ATP5PD: variants seen among roughly 807,000 people sequenced by gnomAD.
ATP5PD encodes ATP synthase peripheral stalk subunit d, also known as ATP synthase peripheral stalk subunit d, mitochondrial.
ATP5PD carries 13 observed loss-of-function variants against 22.6 expected under a neutral mutation model. That is an observed-to-expected ratio of 0.58 (90% CI 0.37 to 0.91). ATP5PD has a LOEUF of 0.91. Among genes scored for constraint, ATP5PD ranks in the 40% least tolerant of loss-of-function variants. ATP5PD has a pLI of 0.00. For synonymous variants in ATP5PD, 51 were observed against 65.0 expected (o/e 0.79, Z 1.03); for missense variants, 165 against 188.0 (o/e 0.88, Z 0.72).
chr17:75,041,007 TTG>T (rs1330134548), intron 3 of ATP5PD: 1 of 152,070 alleles, frequency 6.6e-6, no homozygotes, highest in African/African-American at 2.4e-5. Flanking sequence ...ATATTGAGAC[TTG>T]TGTAAATATC....
intron 1 of ATP5PD, among the ~76,000 whole-genome samples, chr17:75,046,286 G>C (rs960094691): frequency 6.6e-6 from 1 of 152,134 alleles, no homozygotes; most frequent in African/African-American, 2.4e-5. Context: ...GTTTCACTAC[G>C]TTGGCCAGGC....
In ATP5PD at chr17:75,039,285, G is replaced by A. The variant is rs750312438; in HGVS notation, c.292-14C>T. ...ACAAGATTTCACCTTTAAGAAGAAA[G>A]AGAAATTCAGTTCTGAAACCAGGCT... On this transcript the variant is annotated splice_polypyrimidine_tract_variant and intron_variant, in intron 4 of 5. Transcript: ENST00000301587. 1 of 1,613,488 alleles carries A rather than the reference G, an allele frequency of 6.2e-7. No homozygotes were observed. The highest frequency in any genetic ancestry group is 8.5e-7 in the Non-Finnish European group (1 of 1,179,574).
At chr17:75,044,567 C>G (rs557876643) in intron 1 of ATP5PD, among the ~76,000 whole-genome samples, 5 of 151,502 alleles carry the variant, frequency 3.3e-5, no homozygotes, top group South Asian at 4.2e-4. Flanking sequence ...GGCTGAAACT[C>G]CAGACCTCAG....
intron 1 of ATP5PD, among the ~76,000 whole-genome samples, chr17:75,043,627 A>AAC (rs1031624117): frequency 6.6e-6 from 1 of 151,204 alleles, no homozygotes; most frequent in African/African-American, 2.5e-5. Context: ...AAAAAAAAAA[A>AAC]ACAAACCCCA....
At position 75,040,178 on chromosome 17, in the gene ATP5PD, G is replaced by A. The variant is rs1598685879; in HGVS notation, c.220-15C>T. On this transcript the variant is annotated splice_polypyrimidine_tract_variant and intron_variant, in intron 3 of 5. Coordinates refer to ENST00000301587, the MANE Select transcript of ATP5PD (RefSeq NM_006356.3). ...AGCGCATTAAACTACAAACACAAGG[G>A]CACGGGAACCTTCAGCGCATTAAAC... 3 of 1,611,316 alleles carry A rather than the reference G, an allele frequency of 1.9e-6. No homozygotes were observed. The highest frequency in any genetic ancestry group is 1.1e-5 in the South Asian group (1 of 90,922).
rs558986152 is a variant in ATP5PD, at chr17:75,042,593, T to G, written c.58A>C (p.Ile20Leu). ...GCAATGGCCTTTTGGTTCTGGGGTA[T>G]GATCTCTGCAAAAGCTACCCAGTCA... ...TIDWVAFAEI[I>L]PQNQKAIASS... Residue 20 changes from isoleucine (I) to leucine (L), a missense_variant, in exon 2 of 6, where the codon ATA becomes CTA. Physicochemically the swap from Ile to Leu is conservative, Grantham distance 5. Coordinates refer to ENST00000301587, the MANE Select transcript of ATP5PD (RefSeq NM_006356.3). The G allele has an allele frequency of 6.2e-7, 1 of 1,613,240 alleles. No homozygotes were observed. Among genetic ancestry groups the G allele is most frequent in the Admixed American group, 1.7e-5 (1 of 59,980 alleles).
intron 5 of ATP5PD, 63 bp from the exon 6 acceptor site, chr17:75,039,126 C>G: frequency 6.2e-7 from 1 of 1,611,954 alleles, no homozygotes; most frequent in Non-Finnish European, 8.5e-7. Context: ...ATATCCAAGG[C>G]AGGTTCCTGC....
intron 1 of ATP5PD, among the ~76,000 whole-genome samples, chr17:75,045,332 G>C (rs1217404219): frequency 6.6e-6 from 1 of 152,200 alleles, no homozygotes; most frequent in Non-Finnish European, 1.5e-5. Context: ...GAAGTTTTGG[G>C]CACCATTGTC....
At chr17:75,044,543 C>T (rs919252982) in intron 1 of ATP5PD, among the ~76,000 whole-genome samples, 85 of 149,820 alleles carry the variant, frequency 5.7e-4, no homozygotes, top group African/African-American at 1.9e-3. Flanking sequence ...GGTTTCTCCA[C>T]GTTGGCCAGG....
intron 1 of ATP5PD, among the ~76,000 whole-genome samples, chr17:75,043,582 C>T (rs1405122317): frequency 6.9e-6 from 1 of 145,016 alleles, no homozygotes; most frequent in Admixed American, 7.0e-5. Context: ...CATTGCACTC[C>T]AGCCTGGACA....
chr17:75,043,880 G>A (rs2073185481), intron 1 of ATP5PD, among the ~76,000 whole-genome samples: 1 of 151,970 alleles, frequency 6.6e-6, no homozygotes, highest in Non-Finnish European at 1.5e-5. Context: ...TGCTAAAAGT[G>A]TCACATGAAA....
At position 75,040,149 on chromosome 17, in the gene ATP5PD, C is replaced by G. The variant is rs750770837; in HGVS notation, c.234G>C (p.Lys78Asn). 4 of 1,611,656 alleles carry G rather than the reference C, an allele frequency of 2.5e-6. No individual in the cohort carries two copies. The highest frequency in any genetic ancestry group is 3.4e-6 in the Non-Finnish European group (4 of 1,179,596). ...DDFEKKFNALKVPVPEDKYTA... is the reference protein window; with the variant it reads ...DDFEKKFNALNVPVPEDKYTA... The stretch of plus-strand genomic sequence containing the variant: ...TATATTTATCCTCTGGCACGGGAAC[C>G]TTCAGCGCATTAAACTACAAACACA... Residue 78 changes from lysine (K) to asparagine (N), a missense_variant, in exon 4 of 6, where the codon AAG (lysine) becomes AAC (asparagine). Lys to Asn is a moderately conservative substitution (Grantham distance 94). Transcript: ENST00000301587.
rs1475661044 is a variant in ATP5PD, at chr17:75,038,895, G to A, written c.*37C>T. On this transcript the variant is annotated 3_prime_UTR_variant, in exon 6 of 6. Transcript: ENST00000301587. ...TTATTATTTTTAATGTCCAGAATGT[G>A]TAATACAAGGGCCAGAGCTTCCTCC... 7 of 1,593,272 alleles carry A rather than the reference G, an allele frequency of 4.4e-6. No individual in the cohort carries two copies. In the African/African-American group the frequency reaches 8.2e-5, roughly 19 times the overall value.
At chr17:75,040,187 C>T in intron 3 of ATP5PD, 24 bp from the exon 4 acceptor site, 2 of 1,612,068 alleles carry the variant, frequency 1.2e-6, no homozygotes, top group Non-Finnish European at 1.7e-6. Context: ...GGCACGGGAA[C>T]CTTCAGCGCA....
At chr17:75,043,270 T>C (rs1207846439) in intron 1 of ATP5PD, among the ~76,000 whole-genome samples, 1 of 152,094 alleles carries the variant, frequency 6.6e-6, no homozygotes, top group Non-Finnish European at 1.5e-5. Context: ...AAGTGTGCAA[T>C]GTGGCATACA....
intron 1 of ATP5PD, among the ~76,000 whole-genome samples, chr17:75,045,396 A>C (rs2073203431): frequency 6.6e-6 from 1 of 152,202 alleles, no homozygotes; most frequent in Admixed American, 6.5e-5. Flanking sequence ...GTCTGACCAA[A>C]ATTTATTAGG....
At chr17:75,043,628 AC>A (rs1296013216) in intron 1 of ATP5PD, among the ~76,000 whole-genome samples, 12 of 151,480 alleles carry the variant, frequency 7.9e-5, no homozygotes, top group Admixed American at 2.0e-4. Context: ...AAAAAAAAAA[AC>A]AAACCCCAGC....
Position 75,039,281 on chromosome 17 carries a change from G to GA in ATP5PD, c.292-11dup. On this transcript the variant is annotated splice_polypyrimidine_tract_variant and intron_variant, in intron 4 of 5. Coordinates refer to ENST00000301587, the MANE Select transcript of ATP5PD (RefSeq NM_006356.3). ...CAGCACAAGATTTCACCTTTAAGAA[G>GA]AAAGAGAAATTCAGTTCTGAAACCA... The GA allele has an allele frequency of 6.2e-7, 1 of 1,613,762 alleles. No individual in the cohort carries two copies.
chr17:75,042,768 T>G, intron 1 of ATP5PD, 109 bp from the exon 2 acceptor site: 4 of 1,160,986 alleles, frequency 3.4e-6, no homozygotes, highest in Non-Finnish European at 4.8e-6. Context: ...CTTTAAATCT[T>G]AGAAACATGC....
Sources: gnomAD v4.1 joint callset for allele counts (sites outside exome capture counted in the v4.1 genomes callset) on GRCh38, gnomAD v4.1.1 for gene constraint, MANE v1.5 for transcripts, NCBI Gene and HGNC (gene_info 2026-07-23, HGNC 2026-07-21) for gene names.